Variants in TBC1D19 observed in about 807,000 individuals in gnomAD.
TBC1D19 encodes the protein TBC1 domain family member 19, also known as TBC1 domain family, member 19.
In TBC1D19, 60 loss-of-function variants were observed where a neutral mutation model predicts 89.0. That is an observed-to-expected ratio of 0.67 (90% CI 0.55 to 0.84). The LOEUF is 0.84. Among genes scored for constraint, TBC1D19 ranks in the 40% least tolerant of loss-of-function variants. TBC1D19 has a pLI of 0.00. For missense variants in TBC1D19, 500 were observed against 610.8 expected (o/e 0.82, Z 1.91); for synonymous variants, 189 against 199.7 (o/e 0.95, Z 0.45).
At chr4:26,643,124 A>G (rs527597638) in intron 7 of TBC1D19, among the ~76,000 whole-genome samples, 3 of 152,314 alleles carry the variant, frequency 2.0e-5, no homozygotes, top group South Asian at 4.1e-4. Flanking sequence ...CAGAATATAC[A>G]TTCTTCTCAG....
chr4:26,686,591 G>A (rs1290529411), intron 12 of TBC1D19, among the ~76,000 whole-genome samples: 2 of 152,062 alleles, frequency 1.3e-5, no homozygotes, highest in African/African-American at 2.4e-5. Context: ...CAAAAAATAA[G>A]ATTTGGATGG....
chr4:26,824,368 C>T, the TBC1D19 span, among the ~76,000 whole-genome samples: 1 of 152,210 alleles, frequency 6.6e-6, no homozygotes. Context: ...TGTTGACTAA[C>T]ACAGATATGA....
intron 4 of TBC1D19, among the ~76,000 whole-genome samples, chr4:26,635,380 T>C (rs1438324774): frequency 6.6e-6 from 1 of 152,084 alleles, no homozygotes; most frequent in Non-Finnish European, 1.5e-5. Context: ...TCATTAACAA[T>C]GTACCCAAAT....
intron 13 of TBC1D19, among the ~76,000 whole-genome samples, chr4:26,702,015 A>AT (rs1228177543): frequency 6.6e-6 from 1 of 152,196 alleles, no homozygotes; most frequent in Non-Finnish European, 1.5e-5. Context: ...GAGGATTGCC[A>AT]TTTTTAAGTT....
At chr4:26,857,829 C>T in the TBC1D19 span, 1 of 152,602 alleles carries the variant, frequency 6.6e-6, no homozygotes, top group Non-Finnish European at 1.5e-5. Flanking sequence ...TTGGGAAGGG[C>T]AGGCTTGCCT....
chr4:26,802,074 C>G, the TBC1D19 span, among the ~76,000 whole-genome samples: 1 of 152,242 alleles, frequency 6.6e-6, no homozygotes, highest in South Asian at 2.1e-4. Flanking sequence ...ATCCAGAAGT[C>G]ACACTCCTGA....
intron 1 of TBC1D19, among the ~76,000 whole-genome samples, chr4:26,589,100 C>A (rs893135136): frequency 1.3e-5 from 2 of 152,174 alleles, no homozygotes; most frequent in South Asian, 4.2e-4. Flanking sequence ...CATGGTGAAA[C>A]CCTGTCTCTA....
chr4:26,638,517 C>T (rs565426961), intron 5 of TBC1D19, among the ~76,000 whole-genome samples: 1 of 152,140 alleles, frequency 6.6e-6, no homozygotes, highest in Non-Finnish European at 1.5e-5. Context: ...AATTTACTGG[C>T]CAGTACAGAT....
At chr4:26,773,026 T>C in the TBC1D19 span, among the ~76,000 whole-genome samples, 1 of 152,182 alleles carries the variant, frequency 6.6e-6, no homozygotes, top group Non-Finnish European at 1.5e-5. Context: ...CTCTGGGTCT[T>C]TGAGGAATCA....
At chr4:26,738,673 G>A (rs1183328986) in intron 16 of TBC1D19, among the ~76,000 whole-genome samples, 1 of 151,332 alleles carries the variant, frequency 6.6e-6, no homozygotes, top group East Asian at 1.9e-4. Context: ...ATTTTTATAT[G>A]AATTTAGATA....
chr4:26,686,711 T>A (rs1329119694), intron 12 of TBC1D19, among the ~76,000 whole-genome samples: 1 of 152,154 alleles, frequency 6.6e-6, no homozygotes, highest in Admixed American at 6.5e-5. Flanking sequence ...CTGTTGAGAA[T>A]GCATGATCTC....
At chr4:26,842,530 C>T in the TBC1D19 span, among the ~76,000 whole-genome samples, 12 of 127,942 alleles carry the variant, frequency 9.4e-5, no homozygotes, top group African/African-American at 2.7e-4. Flanking sequence ...CCTTTCTTCC[C>T]TTCCTTCCCT....
chr4:26,614,355 GT>G, intron 2 of TBC1D19, 52 bp from the exon 3 acceptor site: 1 of 1,257,068 alleles, frequency 8.0e-7, no homozygotes. Flanking sequence ...TGTAATGTAT[GT>G]TTACTTAAAA....
the TBC1D19 span, among the ~76,000 whole-genome samples, chr4:26,812,435 T>C: frequency 6.6e-6 from 1 of 152,186 alleles, no homozygotes; most frequent in Non-Finnish European, 1.5e-5. The surrounding 1 kb of genome is among the most constrained non-coding windows in gnomAD (Gnocchi z 4.2). Context: ...AAACAATTCC[T>C]CACACTGCTC....
the TBC1D19 span, among the ~76,000 whole-genome samples, chr4:26,797,375 T>G: frequency 6.6e-6 from 1 of 152,070 alleles, no homozygotes; most frequent in South Asian, 2.1e-4. Context: ...TACAAAACAC[T>G]GATGAAAGAA....
chr4:26,839,516 A>T, the TBC1D19 span, among the ~76,000 whole-genome samples: 1 of 152,008 alleles, frequency 6.6e-6, no homozygotes, highest in Non-Finnish European at 1.5e-5. Context: ...GATGTGTGGG[A>T]AGGAGCATGA....
rs1304042214 is a variant in TBC1D19 at position 26,650,223 on chromosome 4, T to TA, written c.481-9373dup. 1.1e-4 allele frequency among the ~76,000 whole-genome samples: 16 copies of TA among 152,216 alleles called. No homozygotes were observed. The Middle Eastern group carries it at 0.014, about 129-fold the overall frequency. ...CATGATTTATAATCCTTTGAGTATA[T>TA]ACCCCGTAATGGAATGGCTGGGTCA... On this transcript the variant is annotated intron_variant, in intron 7 of 20. Coordinates refer to ENST00000264866, the MANE Select transcript of TBC1D19 (RefSeq NM_018317.4).
chr4:26,820,504 G>A, the TBC1D19 span, among the ~76,000 whole-genome samples: 4 of 152,180 alleles, frequency 2.6e-5, no homozygotes, highest in African/African-American at 9.7e-5. Context: ...GTTCCATCAT[G>A]TTGTTGTGAA....
intron 3 of TBC1D19, among the ~76,000 whole-genome samples, chr4:26,616,724 C>T (rs1438593881): frequency 6.6e-6 from 1 of 152,084 alleles, no homozygotes; most frequent in Admixed American, 6.6e-5. Context: ...TCTTATTTAA[C>T]AAATACACTA....
Sources: gnomAD v4.1 joint callset for allele counts (sites outside exome capture counted in the v4.1 genomes callset) on GRCh38, gnomAD v4.1.1 for gene constraint, Gnocchi (gnomAD v3.1) non-coding constraint, MANE v1.5 for transcripts, NCBI Gene and HGNC (gene_info 2026-07-23, HGNC 2026-07-21) for gene names.